The following PTPRN2 variants were observed in gnomAD, a reference collection of about 807,000 sequenced individuals.
PTPRN2 encodes receptor-type tyrosine-protein phosphatase N2.
In PTPRN2, 74 loss-of-function variants were observed where a neutral mutation model predicts 118.8. The observed-to-expected ratio is 0.62, with a 90% CI of 0.52 to 0.76. PTPRN2 has a LOEUF of 0.76. PTPRN2 is among the 30% of genes least tolerant of loss of function. The pLI, the probability that PTPRN2 is intolerant of heterozygous loss-of-function variation, is 0.00. For synonymous variants in PTPRN2, 641 were observed against 608.0 expected, an observed-to-expected ratio of 1.05 and a Z score of -0.80; for missense variants, 1,481 against 1,394.4, an observed-to-expected ratio of 1.06 and a Z score of -0.99.
intron 1 of PTPRN2, among the ~76,000 whole-genome samples, chr7:158,500,033 T>TA (rs34436604): frequency 0.25 from 29,874 of 121,434 alleles, 3,518 homozygotes; most frequent in South Asian, 0.39. Context: ...ACACTTGAGC[T>TA]AAAAAAAAAA....
At chr7:157,714,481 A>G (rs1242714683) in intron 12 of PTPRN2, among the ~76,000 whole-genome samples, 12 of 152,246 alleles carry the variant, frequency 7.9e-5, no homozygotes, top group Admixed American at 5.9e-4. Flanking sequence ...TACTATAGGA[A>G]TAACAATGGA....
intron 3 of PTPRN2, among the ~76,000 whole-genome samples, chr7:158,260,643 C>T (rs143400271): frequency 6.6e-5 from 10 of 152,312 alleles, no homozygotes; most frequent in South Asian, 2.1e-4. Flanking sequence ...TTAAAATCCC[C>T]GTCCACATAA....
intron 10 of PTPRN2, among the ~76,000 whole-genome samples, chr7:158,095,445 C>T (rs562362324): frequency 1.8e-4 from 28 of 152,054 alleles, no homozygotes; most frequent in Non-Finnish European, 3.4e-4. Context: ...TATCTGCATA[C>T]GCAGGGCATT....
chr7:158,179,660 T>C (rs890383050), intron 5 of PTPRN2, among the ~76,000 whole-genome samples: 1 of 152,170 alleles, frequency 6.6e-6, no homozygotes, highest in African/African-American at 2.4e-5. Context: ...TTGATTTTTG[T>C]ATAAGGTAAG....
At chr7:158,294,406 G>A (rs1198301539) in intron 3 of PTPRN2, among the ~76,000 whole-genome samples, 1 of 152,098 alleles carries the variant, frequency 6.6e-6, no homozygotes, top group African/African-American at 2.4e-5. Flanking sequence ...TTCATGTCTG[G>A]CTCCCATATT....
intron 3 of PTPRN2, among the ~76,000 whole-genome samples, chr7:158,293,310 C>A (rs1800242852): frequency 6.6e-6 from 1 of 152,070 alleles, no homozygotes; most frequent in Non-Finnish European, 1.5e-5. Context: ...GGCACGGTGA[C>A]TCACGCCTAT....
rs1802732014 is a variant in PTPRN2 at position 157,615,763 on chromosome 7, G to T, written c.2344+5599C>A. On this transcript the variant is annotated intron_variant, in intron 15 of 22. Coordinates refer to ENST00000389418, the MANE Select transcript of PTPRN2 (RefSeq NM_002847.5). This position sits in a 1 kb window ranked among gnomAD's most constrained non-coding sequence, Gnocchi z 4.3. The stretch of plus-strand genomic sequence containing the variant: ...AGCTCTGGAGGCTGAACGAGAATCG[G>T]TTACAGGAGATGAACACAAGGCTCG... 1 of 379,448 alleles carries T rather than the reference G, an allele frequency of 2.6e-6. No individual in the cohort carries two copies. The highest frequency in any genetic ancestry group is 2.1e-5 in the African/African-American group (1 of 47,812). 23.5% of individuals were successfully genotyped at this position (379,448 alleles called of 1,614,324 possible).
chr7:157,665,955 C>G (rs371137273), intron 13 of PTPRN2, among the ~76,000 whole-genome samples: 1 of 152,098 alleles, frequency 6.6e-6, no homozygotes, highest in Non-Finnish European at 1.5e-5. Context: ...GGACACAAGG[C>G]GGGGACCATC....
chr7:157,569,549 T>C (rs1229810494), intron 20 of PTPRN2, among the ~76,000 whole-genome samples: 3 of 152,254 alleles, frequency 2.0e-5, no homozygotes, highest in African/African-American at 4.8e-5. Flanking sequence ...TCTCATTTCA[T>C]CTCTTTCTCA....
At chr7:157,850,425 A>G (rs1311296944) in intron 12 of PTPRN2, among the ~76,000 whole-genome samples, 1 of 151,248 alleles carries the variant, frequency 6.6e-6, no homozygotes, top group Non-Finnish European at 1.5e-5. Flanking sequence ...AGGTATCCGA[A>G]TTTCCGACGT....
At chr7:158,036,372 C>T (rs1241622616) in intron 11 of PTPRN2, among the ~76,000 whole-genome samples, 2 of 152,164 alleles carry the variant, frequency 1.3e-5, no homozygotes, top group South Asian at 2.1e-4. Context: ...AGCCAGGTGA[C>T]TTAAACACTG....
At position 158,093,538 on chromosome 7, in the gene PTPRN2, G is replaced by T. The variant is rs1814385884; in HGVS notation, c.1644-12161C>A. Reference sequence around the variant, plus strand: ...CTAGGCAAGCCCACAGCTTGGTGCTGGGCTAATCCAAGCTACCGACAGAAA... The same window carrying T: ...CTAGGCAAGCCCACAGCTTGGTGCTTGGCTAATCCAAGCTACCGACAGAAA... On this transcript the variant is annotated intron_variant, in intron 10 of 22. Coordinates refer to ENST00000389418, the MANE Select transcript of PTPRN2 (RefSeq NM_002847.5). The surrounding 1 kb of genome is among the most constrained non-coding windows in gnomAD (Gnocchi z 4.4). Among the ~76,000 whole-genome samples the T allele has an allele frequency of 6.6e-6, 1 of 152,188 alleles. No individual in the cohort carries two copies. Among genetic ancestry groups the T allele is most frequent in the South Asian group, 2.1e-4 (1 of 4,828 alleles).
intron 12 of PTPRN2, among the ~76,000 whole-genome samples, chr7:157,793,824 A>G (rs2151081350): frequency 6.6e-6 from 1 of 152,256 alleles, no homozygotes; most frequent in African/African-American, 2.4e-5. Flanking sequence ...GCTTAGAAGC[A>G]GTAATCTCCT....
intron 11 of PTPRN2, among the ~76,000 whole-genome samples, chr7:157,940,709 C>CT (rs1554496361): frequency 2.1e-5 from 3 of 141,612 alleles, no homozygotes; most frequent in African/African-American, 5.5e-5. Flanking sequence ...AACGCCCCCC[C>CT]GTGACACTGC....
intron 2 of PTPRN2, among the ~76,000 whole-genome samples, chr7:158,425,363 G>A (rs1193863832): frequency 7.8e-5 from 7 of 89,970 alleles, no homozygotes; most frequent in African/African-American, 1.1e-4. Context: ...GGAAAGACGC[G>A]GTGTCCGAGT....
At chr7:158,512,924 T>A (rs188005801) in intron 1 of PTPRN2, among the ~76,000 whole-genome samples, 2 of 152,194 alleles carry the variant, frequency 1.3e-5, no homozygotes, top group Admixed American at 6.5e-5. Flanking sequence ...AAATATAACA[T>A]AAAGTGTTGA....
chr7:157,933,008 G>A (rs911303331), intron 11 of PTPRN2, among the ~76,000 whole-genome samples: 1 of 149,342 alleles, frequency 6.7e-6, no homozygotes, highest in Non-Finnish European at 1.5e-5. Flanking sequence ...CAGTTTTAGA[G>A]GAGGGGTGAG....
chr7:158,392,220 GCAGGT>G (rs1273273262), intron 2 of PTPRN2, among the ~76,000 whole-genome samples: 1 of 152,230 alleles, frequency 6.6e-6, no homozygotes, highest in East Asian at 1.9e-4. Flanking sequence ...ATGTGGCCAT[GCAGGT>G]CAAACTCCCC....
intron 11 of PTPRN2, among the ~76,000 whole-genome samples, chr7:157,930,938 C>T (rs757808361): frequency 2.6e-5 from 4 of 152,138 alleles, no homozygotes; most frequent in African/African-American, 7.2e-5. Flanking sequence ...ACCAGCTTCC[C>T]GCTGTAGCAG....
Sources: gnomAD v4.1 joint callset for allele counts (sites outside exome capture counted in the v4.1 genomes callset) on GRCh38, gnomAD v4.1.1 for gene constraint, Gnocchi (gnomAD v3.1) non-coding constraint, MANE v1.5 for transcripts, NCBI Gene and HGNC (gene_info 2026-07-23, HGNC 2026-07-21) for gene names.